Variants in FAAH2 observed in about 807,000 individuals in gnomAD.
FAAH2 encodes the protein fatty acid amide hydrolase 2.
In FAAH2, 60 loss-of-function variants were observed where a neutral mutation model predicts 36.9. The ratio of observed to expected loss-of-function variants is 1.63; its 90% confidence interval spans 1.32 to 2.02. The LOEUF is 2.02. FAAH2 is among the 30% of genes most tolerant of loss of function. The probability of loss-of-function intolerance (pLI) is 0.00; values close to 1 mark genes in which losing one functional copy is unlikely to be tolerated. For synonymous variants in FAAH2, 214 were observed against 143.8 expected (o/e 1.49, Z -3.49); for missense variants, 689 against 397.5 (o/e 1.73, Z -6.23).
intron 3 of FAAH2, among the ~76,000 whole-genome samples, chrX:57,324,522 G>A (rs1214458286): frequency 8.9e-6 from 1 of 111,772 alleles, no homozygotes; most frequent in Non-Finnish European, 1.9e-5. Flanking sequence ...TCATTGAGCA[G>A]TGGTTTGTAG....
chrX:57,366,096 C>G (rs1216834338), intron 5 of FAAH2, among the ~76,000 whole-genome samples: 1 of 110,933 alleles, frequency 9.0e-6, no homozygotes, highest in African/African-American at 3.3e-5. Flanking sequence ...GGTAAGAAGA[C>G]ACTCTAACTT....
intron 8 of FAAH2, among the ~76,000 whole-genome samples, chrX:57,439,598 T>G (rs1035467530): frequency 8.9e-6 from 1 of 111,794 alleles, no homozygotes; most frequent in African/African-American, 3.3e-5. Flanking sequence ...AGAAGCTCTT[T>G]AGTTTAATTA....
intron 3 of FAAH2, 127 bp downstream of exon 3, chrX:57,310,856 G>T (rs996616506): frequency 2.7e-6 from 2 of 728,257 alleles, no homozygotes; most frequent in East Asian, 7.2e-5. Flanking sequence ...AGTTTGAAAT[G>T]AGAGGAAATA....
At chrX:57,249,245 TACTATAGTTC>T in the FAAH2 span, among the ~76,000 whole-genome samples, 1 of 111,778 alleles carries the variant, frequency 8.9e-6, no homozygotes, top group African/African-American at 3.3e-5. Flanking sequence ...ACTAACCCTT[TACTATAGTTC>T]TGATGAATGT....
chrX:57,408,588 G>A (rs147387305), intron 7 of FAAH2, among the ~76,000 whole-genome samples: 1 of 109,002 alleles, frequency 9.2e-6, no homozygotes, highest in Non-Finnish European at 1.9e-5. Flanking sequence ...CTCTGGCTAA[G>A]ACTTCCAGTG....
intron 7 of FAAH2, among the ~76,000 whole-genome samples, chrX:57,402,220 A>G (rs1446971616): frequency 1.8e-5 from 2 of 112,229 alleles, no homozygotes; most frequent in Admixed American, 9.4e-5. Context: ...CCCCTGGGGC[A>G]GTGGGCCTTC....
the FAAH2 span, among the ~76,000 whole-genome samples, chrX:57,202,764 A>G: frequency 3.6e-5 from 4 of 112,009 alleles, no homozygotes; most frequent in Admixed American, 2.8e-4. Flanking sequence ...TGTAGATGTC[A>G]TCTGGGACCC....
the FAAH2 span, among the ~76,000 whole-genome samples, chrX:57,198,372 G>C: frequency 1.8e-5 from 2 of 111,504 alleles, no homozygotes; most frequent in Non-Finnish European, 3.8e-5. Flanking sequence ...GATGTTACAG[G>C]CCTCACCCAA....
intron 2 of FAAH2, among the ~76,000 whole-genome samples, chrX:57,307,452 C>T (rs2052574319): frequency 1.8e-5 from 2 of 110,877 alleles, no homozygotes; most frequent in African/African-American, 6.5e-5. Context: ...TATGCATTCT[C>T]TCTCTAGATT....
At chrX:57,182,355 C>A in the FAAH2 span, among the ~76,000 whole-genome samples, 1 of 111,698 alleles carries the variant, frequency 9.0e-6, no homozygotes, top group Non-Finnish European at 1.9e-5. Flanking sequence ...TATCCAGCAT[C>A]TGTAAGGATC....
At chrX:57,334,746 T>A (rs1001476786) in intron 4 of FAAH2, among the ~76,000 whole-genome samples, 3 of 111,449 alleles carry the variant, frequency 2.7e-5, no homozygotes, top group African/African-American at 9.8e-5. Context: ...GGTGGCAGAG[T>A]ATCATTTGAA....
intron 7 of FAAH2, among the ~76,000 whole-genome samples, chrX:57,417,422 T>TC (rs983457952): frequency 8.9e-6 from 1 of 111,957 alleles, no homozygotes; most frequent in African/African-American, 3.3e-5. Flanking sequence ...GTGTGGATGT[T>TC]CTTTTTGTTG....
intron 4 of FAAH2, among the ~76,000 whole-genome samples, chrX:57,332,249 G>T (rs1177942655): frequency 8.9e-6 from 1 of 112,162 alleles, no homozygotes; most frequent in African/African-American, 3.2e-5. Context: ...CATGAAGTAG[G>T]TGCTCATTAA....
At chrX:57,219,863 C>CTTTTTTTTT in the FAAH2 span, among the ~76,000 whole-genome samples, 28 of 35,631 alleles carry the variant, frequency 7.9e-4, 3 homozygotes, top group African/African-American at 2.9e-3. Context: ...AGCGCCTTGT[C>CTTTTTTTTT]TTTTTTTTTT....
At chrX:57,137,024 C>T in the FAAH2 span, 9 of 835,934 alleles carry the variant, frequency 1.1e-5, no homozygotes, top group Non-Finnish European at 1.3e-5. Context: ...CTGTTACCTA[C>T]CTCCCTTGCT....
chrX:57,132,391 C>A, the FAAH2 span, among the ~76,000 whole-genome samples: 1 of 112,102 alleles, frequency 8.9e-6, no homozygotes, highest in African/African-American at 3.2e-5. Context: ...ATATTCTATA[C>A]CCAATCTAGG....
At chrX:57,359,455 T>C (rs186177204) in intron 5 of FAAH2, among the ~76,000 whole-genome samples, 10 of 111,919 alleles carry the variant, frequency 8.9e-5, no homozygotes, top group Non-Finnish European at 1.5e-4. Context: ...CGCTATTGAT[T>C]TCTAGTTTTA....
In FAAH2 at chrX:57,292,648, C is replaced by T. The variant is rs185176227; in HGVS notation, c.275+68C>T. 9 of 875,960 alleles carry T rather than the reference C, an allele frequency of 1.0e-5. No individual in the cohort carries two copies. In the Admixed American group the frequency reaches 1.6e-4, roughly 16 times the overall value. 72.2% of individuals were successfully genotyped at this position (875,960 alleles called of 1,213,427 possible). Reference sequence around the variant, plus strand: ...TTGTTCTACTTCTGTGGTCATGCCACCTTAGCATATTTCCTAGATTCTTCT... The same window carrying T: ...TTGTTCTACTTCTGTGGTCATGCCATCTTAGCATATTTCCTAGATTCTTCT... On this transcript the variant is annotated intron_variant, in intron 2 of 10. Transcript: ENST00000374900.
chrX:57,287,922 G>GT (rs2051854925), intron 1 of FAAH2, among the ~76,000 whole-genome samples: 1 of 111,051 alleles, frequency 9.0e-6, no homozygotes, highest in Non-Finnish European at 1.9e-5. Context: ...TATTTGTATT[G>GT]TACTCCTGGT....
Sources: allele counts gnomAD v4.1 joint callset (sites outside exome capture counted in the v4.1 genomes callset), GRCh38; gene constraint gnomAD v4.1.1; transcripts MANE v1.5; gene names NCBI Gene and HGNC (gene_info 2026-07-23, HGNC 2026-07-21).